Variants in PRIM2 observed in about 807,000 individuals in gnomAD.
PRIM2 encodes the protein DNA primase large subunit.
PRIM2 carries 39 observed loss-of-function variants against 67.3 expected under a neutral mutation model. The observed-to-expected ratio is 0.58, with a 90% CI of 0.45 to 0.76. The LOEUF is 0.76. Among genes scored for constraint, PRIM2 ranks in the 30% least tolerant of loss-of-function variants. The pLI is 0.00. For missense variants in PRIM2, 398 were observed against 598.7 expected (o/e 0.66, Z 3.50); for synonymous variants, 143 against 198.7 (o/e 0.72, Z 2.36).
At chr6:57,316,728 A>G (rs1464371453), upstream of PRIM2, among the ~76,000 whole-genome samples, 1 of 152,192 alleles carries the variant, frequency 6.6e-6, no homozygotes, top group Non-Finnish European at 1.5e-5. Flanking sequence ...CGAAAATCTT[A>G]CAGACAGCGG....
rs1439244533 is a variant in PRIM2 at position 57,451,142 on chromosome 6, A to T, written c.694-56245A>T. ...TGTGATATAGTAAAATTTTGTTTTA[A>T]TTATTATTATTTTTTTGAGACAAAG... On this transcript the variant is annotated intron_variant, in intron 7 of 13. Coordinates refer to ENST00000615550, the MANE Select transcript of PRIM2 (RefSeq NM_000947.5). Among the ~76,000 whole-genome samples, 16 of 152,026 alleles carry T rather than the reference A, an allele frequency of 1.1e-4. No homozygotes were observed. In the East Asian group the frequency reaches 3.1e-3, roughly 29 times the overall value.
At chr6:57,234,717 G>A in the PRIM2 span, among the ~76,000 whole-genome samples, 1 of 152,016 alleles carries the variant, frequency 6.6e-6, no homozygotes, top group Non-Finnish European at 1.5e-5. Context: ...TAGAGATGGG[G>A]TTTCACTGTG....
At chr6:57,276,480 T>C in the PRIM2 span, among the ~76,000 whole-genome samples, 1 of 152,092 alleles carries the variant, frequency 6.6e-6, no homozygotes, top group Non-Finnish European at 1.5e-5. Context: ...TACATATGTA[T>C]GTATGTAAAT....
intron 5 of PRIM2, among the ~76,000 whole-genome samples, chr6:57,345,655 C>G (rs558722803): frequency 1.3e-4 from 20 of 152,144 alleles, no homozygotes; most frequent in African/African-American, 4.8e-4. Context: ...AGAGAGGGTT[C>G]TTGGATCTTG....
intron 7 of PRIM2, among the ~76,000 whole-genome samples, chr6:57,390,818 G>A (rs1770317204): frequency 6.6e-6 from 1 of 152,088 alleles, no homozygotes; most frequent in Non-Finnish European, 1.5e-5. Context: ...CCATGTCTTT[G>A]CTATTGTAAA....
chr6:57,538,695 T>G (rs1254957905), intron 10 of PRIM2, among the ~76,000 whole-genome samples: 2 of 152,214 alleles, frequency 1.3e-5, no homozygotes, highest in Admixed American at 6.5e-5. Context: ...CTCACACTTC[T>G]GGAGGCTGGA....
chr6:57,460,633 G>A (rs201517745), intron 7 of PRIM2, among the ~76,000 whole-genome samples: 1 of 146,366 alleles, frequency 6.8e-6, no homozygotes, highest in Admixed American at 6.8e-5. Context: ...AAAAAAAAAA[G>A]CTTTTCAATT....
chr6:57,366,967 T>A (rs12663637), intron 5 of PRIM2, among the ~76,000 whole-genome samples: 277 of 145,478 alleles, frequency 1.9e-3, no homozygotes, highest in Middle Eastern at 0.014. Flanking sequence ...GTAGAAGAGA[T>A]GAAATATGCT....
At chr6:57,543,922 T>G (rs2127472652) in intron 10 of PRIM2, among the ~76,000 whole-genome samples, 1 of 152,340 alleles carries the variant, frequency 6.6e-6, no homozygotes, top group South Asian at 2.1e-4. Context: ...GGTTAAGCAG[T>G]TTTTGTGTTA....
chr6:57,330,016 G>T (rs1304313109), intron 5 of PRIM2, among the ~76,000 whole-genome samples: 1 of 151,888 alleles, frequency 6.6e-6, no homozygotes, highest in African/African-American at 2.4e-5. Context: ...ATGAATTTTG[G>T]GATCAACTTG....
At chr6:57,249,766 A>G in the PRIM2 span, among the ~76,000 whole-genome samples, 1 of 152,128 alleles carries the variant, frequency 6.6e-6, no homozygotes, top group Non-Finnish European at 1.5e-5. Context: ...CAAAAAAAGA[A>G]TACCTATGCT....
intron 10 of PRIM2, among the ~76,000 whole-genome samples, chr6:57,576,509 A>G (rs1775966654): frequency 6.6e-6 from 1 of 152,212 alleles, no homozygotes; most frequent in Non-Finnish European, 1.5e-5. Flanking sequence ...TGCAGAGAAC[A>G]CAATCCATCA....
chr6:57,430,162 A>C (rs1418873457), intron 7 of PRIM2, among the ~76,000 whole-genome samples: 1 of 152,124 alleles, frequency 6.6e-6, no homozygotes, highest in Non-Finnish European at 1.5e-5. Flanking sequence ...TAGTTCTGAA[A>C]TTGGGGTCTG....
intron 4 of PRIM2, among the ~76,000 whole-genome samples, chr6:57,324,568 G>C (rs1246501361): frequency 1.3e-5 from 2 of 152,092 alleles, no homozygotes; most frequent in Non-Finnish European, 2.9e-5. Context: ...TTGGGAAGAA[G>C]GACTTTTGAT....
At chr6:57,239,902 C>T in the PRIM2 span, among the ~76,000 whole-genome samples, 16 of 152,154 alleles carry the variant, frequency 1.1e-4, no homozygotes, top group Middle Eastern at 6.8e-3. Context: ...TTTTTGAGCA[C>T]CTACAATGTT....
intron 7 of PRIM2, among the ~76,000 whole-genome samples, chr6:57,398,792 A>C (rs1770608172): frequency 6.6e-6 from 1 of 152,120 alleles, no homozygotes; most frequent in Non-Finnish European, 1.5e-5. Context: ...GTCTCTTTGT[A>C]GGTCTCTAAG....
chr6:57,619,924 C>A (rs1384771664), intron 12 of PRIM2, among the ~76,000 whole-genome samples: 5 of 152,068 alleles, frequency 3.3e-5, no homozygotes, highest in South Asian at 2.1e-4. Context: ...GGGCCAGGTG[C>A]GGTGGCTCAC....
chr6:57,543,153 A>T (rs1450962554), intron 10 of PRIM2, among the ~76,000 whole-genome samples: 14 of 149,998 alleles, frequency 9.3e-5, no homozygotes, highest in Non-Finnish European at 1.3e-4. Context: ...GTTAGCCAGG[A>T]TGGTCTCGAT....
At chr6:57,621,511 C>G (rs1329736846) in intron 12 of PRIM2, among the ~76,000 whole-genome samples, 1 of 151,618 alleles carries the variant, frequency 6.6e-6, no homozygotes, top group African/African-American at 2.4e-5. Context: ...TAGTGGTTAT[C>G]CTGGGGACTG....
Sources: allele counts gnomAD v4.1 joint callset (sites outside exome capture counted in the v4.1 genomes callset), GRCh38; gene constraint gnomAD v4.1.1; transcripts MANE v1.5; gene names NCBI Gene and HGNC (gene_info 2026-07-23, HGNC 2026-07-21).